XKR6: variants seen among roughly 807,000 people sequenced by gnomAD.
XKR6 encodes XK related 6.
In XKR6, 22 loss-of-function variants were observed where a neutral mutation model predicts 56.7. That is an observed-to-expected ratio of 0.39 (90% CI 0.28 to 0.55). XKR6 has a LOEUF of 0.55. Ranked by LOEUF, XKR6 falls within the 20% of genes least tolerant of loss-of-function variation. The pLI, the probability that XKR6 is intolerant of heterozygous loss-of-function variation, is 0.66. For missense variants in XKR6, 852 were observed against 889.0 expected, an observed-to-expected ratio of 0.96 and a Z score of 0.53; for synonymous variants, 524 against 387.8, an observed-to-expected ratio of 1.35 and a Z score of -4.13.
chr8:11,136,478 C>A (rs915611280), intron 1 of XKR6, among the ~76,000 whole-genome samples: 1 of 145,404 alleles, frequency 6.9e-6, no homozygotes, highest in African/African-American at 2.5e-5. Context: ...CACTCCAGCC[C>A]GGGCAACAAA....
At chr8:11,005,881 T>C (rs1260647062) in intron 1 of XKR6, among the ~76,000 whole-genome samples, 3 of 150,474 alleles carry the variant, frequency 2.0e-5, no homozygotes, top group Non-Finnish European at 4.4e-5. Context: ...TCTCCCTCTT[T>C]TGCCCAGGCT....
At chr8:11,124,249 G>C (rs1471720428) in intron 1 of XKR6, 2 of 346,924 alleles carry the variant, frequency 5.8e-6, no homozygotes, top group Non-Finnish European at 1.1e-5. Context: ...AAAGAGGAAA[G>C]TGAAACCCCT....
chr8:11,123,750 G>GAA, intron 1 of XKR6: 2 of 411,978 alleles, frequency 4.9e-6, no homozygotes, highest in Non-Finnish European at 4.9e-6. Flanking sequence ...CCTACCCCGG[G>GAA]AAAAAAAAAC....
intron 1 of XKR6, among the ~76,000 whole-genome samples, chr8:11,183,284 A>G (rs1803094754): frequency 6.6e-6 from 1 of 152,076 alleles, no homozygotes; most frequent in Non-Finnish European, 1.5e-5. Context: ...GAATCATTAT[A>G]TTGCTTTCCA....
chr8:11,147,713 T>C (rs1436929672), intron 1 of XKR6, among the ~76,000 whole-genome samples: 3 of 148,664 alleles, frequency 2.0e-5, no homozygotes, highest in African/African-American at 7.5e-5. Flanking sequence ...ATGCTCAACA[T>C]CACAAGCCAT....
chr8:11,085,824 C>T (rs1387048070), intron 1 of XKR6, among the ~76,000 whole-genome samples: 9 of 152,124 alleles, frequency 5.9e-5, no homozygotes, highest in South Asian at 2.1e-4. Flanking sequence ...AAGCCACTGC[C>T]GCCGGAGCAA....
chr8:11,102,218 A>C (rs1798511392), intron 1 of XKR6, among the ~76,000 whole-genome samples: 1 of 152,132 alleles, frequency 6.6e-6, no homozygotes, highest in South Asian at 2.1e-4. Context: ...CCTGCCCTCC[A>C]TCCCAGCCCA....
chr8:11,004,005 G>T (rs1798306870), intron 1 of XKR6, among the ~76,000 whole-genome samples: 1 of 152,194 alleles, frequency 6.6e-6, no homozygotes, highest in Non-Finnish European at 1.5e-5. Context: ...TGGCTGTGGA[G>T]TAGTGGGTCC....
chr8:11,166,806 C>T (rs545987547), intron 1 of XKR6, among the ~76,000 whole-genome samples: 2 of 152,144 alleles, frequency 1.3e-5, no homozygotes, highest in Non-Finnish European at 2.9e-5. Flanking sequence ...CTCGTGACCT[C>T]AGGTGATCCA....
intron 1 of XKR6, among the ~76,000 whole-genome samples, chr8:10,946,067 G>C (rs1170460739): frequency 1.3e-5 from 2 of 151,944 alleles, no homozygotes; most frequent in Non-Finnish European, 2.9e-5. Context: ...TGCCATGCCC[G>C]TGATGGGAAG....
Position 11,201,180 on chromosome 8 carries a change from T to C in XKR6, c.160A>G (p.Met54Val), listed in dbSNP as rs1175561772. ...GTGTTGCAGCAGTGGCAGATGTGCA[T>C]CGAGCTGCTCTCGCCGGGCTCGCTG... ...DGSEPGESSS[M>V]HICHCCNTSS... Residue 54 changes from methionine (M) to valine (V), a missense_variant, in exon 1 of 3, where the codon ATG becomes GTG. Met to Val is a conservative substitution (Grantham distance 21). This residue lies in a region of XKR6 where 417 missense variants were observed against 355.2 expected (regional missense o/e 1.17). Coordinates refer to ENST00000416569, the MANE Select transcript of XKR6 (RefSeq NM_173683.4). 2 of 1,526,702 alleles carry C rather than the reference T, an allele frequency of 1.3e-6. No individual in the cohort carries two copies. The highest frequency in any genetic ancestry group is 1.7e-6 in the Non-Finnish European group (2 of 1,143,420). 94.6% of individuals were successfully genotyped at this position (1,526,702 alleles called of 1,614,324 possible).
intron 1 of XKR6, among the ~76,000 whole-genome samples, chr8:11,081,738 GGAGA>G (rs148292096): frequency 2.6e-5 from 4 of 151,956 alleles, no homozygotes; most frequent in Non-Finnish European, 4.4e-5. Flanking sequence ...TCAGTTCAGT[GGAGA>G]GAGAGAGAGA....
rs139522322 is a variant in XKR6, at chr8:11,047,205, C to A, written c.765-122375G>T. On this transcript the variant is annotated intron_variant, in intron 1 of 2. Transcript: ENST00000416569. ...GAAGCTACACTAATTAGCTTACTTG[C>A]GGGAATCATTTCACAATGTATACAC... Among the ~76,000 whole-genome samples the A allele has an allele frequency of 1.8e-4, 28 of 152,180 alleles. No individual in the cohort carries two copies. The East Asian group carries it at 3.5e-3, about 19-fold the overall frequency.
intron 1 of XKR6, among the ~76,000 whole-genome samples, chr8:11,040,949 T>A (rs17722940): frequency 4.6e-5 from 7 of 151,928 alleles, no homozygotes; most frequent in Non-Finnish European, 8.8e-5. Flanking sequence ...GGTATCTACG[T>A]ACATCGGGCA....
At chr8:10,997,908 T>C (rs1003606888) in intron 1 of XKR6, among the ~76,000 whole-genome samples, 8 of 152,292 alleles carry the variant, frequency 5.3e-5, no homozygotes, top group African/African-American at 1.9e-4. Flanking sequence ...TAAAATAGCA[T>C]GCTGAGAGAC....
At chr8:10,916,445 T>A (rs997237320) in intron 2 of XKR6, among the ~76,000 whole-genome samples, 1 of 152,220 alleles carries the variant, frequency 6.6e-6, no homozygotes, top group Admixed American at 6.5e-5. Context: ...TGAACAGGAC[T>A]GGAAAGAGAC....
intron 1 of XKR6, among the ~76,000 whole-genome samples, chr8:11,042,136 C>T (rs1321123333): frequency 6.6e-6 from 1 of 152,164 alleles, no homozygotes; most frequent in African/African-American, 2.4e-5. Flanking sequence ...ACTGTTCTGC[C>T]TTCTTCACTC....
chr8:11,019,319 G>A (rs976148524), intron 1 of XKR6, among the ~76,000 whole-genome samples: 4 of 152,288 alleles, frequency 2.6e-5, no homozygotes, highest in East Asian at 1.9e-4. Context: ...CTGTGAATGG[G>A]CAGACACTTC....
intron 1 of XKR6, among the ~76,000 whole-genome samples, chr8:11,016,438 T>C (rs1255520205): frequency 1.3e-5 from 2 of 152,166 alleles, no homozygotes; most frequent in African/African-American, 4.8e-5. Flanking sequence ...AGCGCAGGTC[T>C]GGGGGCGGGG....
Sources: gnomAD v4.1 joint callset for allele counts (sites outside exome capture counted in the v4.1 genomes callset) on GRCh38, gnomAD v4.1.1 for gene constraint, gnomAD v4.1.1 regional missense constraint, MANE v1.5 for transcripts, NCBI Gene and HGNC (gene_info 2026-07-23, HGNC 2026-07-21) for gene names.